RP1L1: variants seen among roughly 807,000 people sequenced by gnomAD.
The protein encoded by RP1L1 is RP1 like 1.
In RP1L1, 27 loss-of-function variants were observed where a neutral mutation model predicts 15.7. The ratio of observed to expected loss-of-function variants is 1.72; its 90% CI spans 1.27 to 2.38. The LOEUF (loss-of-function observed/expected upper bound fraction) is 2.38, where lower values mean the gene tolerates loss of function less well. Among genes scored for constraint, RP1L1 ranks in the 30% most tolerant of loss-of-function variants. RP1L1 has a pLI of 0.00. For missense variants in RP1L1, 4,798 were observed against 3,075.9 expected, an observed-to-expected ratio of 1.56 and a Z score of -13.24; for synonymous variants, 1,813 against 1,276.7, an observed-to-expected ratio of 1.42 and a Z score of -8.96.
Position 10,611,062 on chromosome 8 carries a change from C to G in RP1L1, c.3036G>C (p.Gln1012His), listed in dbSNP as rs759714394. The G allele has an allele frequency of 1.2e-6, 2 of 1,612,848 alleles. No homozygotes were observed. The highest frequency in any genetic ancestry group is 2.2e-5 in the East Asian group (1 of 44,884). The stretch of plus-strand genomic sequence containing the variant: ...CCTGGCCGGGGTCCCCTTCCAGGGA[C>G]TGCTGTCCCGCCTGAGCTGGCTCCC... The part of the protein sequence containing the change: ...GLGEPAQAGQ[Q>H]SLEGDPGQDP... The change falls in exon 4 of 4, where the codon CAG (glutamine) becomes CAC (histidine). Residue 1012 changes from glutamine to histidine, a missense_variant. Gln to His is a conservative substitution (Grantham distance 24, BLOSUM62 0). Coordinates refer to ENST00000382483, the MANE Select transcript of RP1L1 (RefSeq NM_178857.6).
chr8:10,613,140 T>A lies in RP1L1; in HGVS notation c.958A>T (p.Ser320Cys). Residue 320 changes from serine to cysteine, a missense_variant, in exon 4 of 4, where the codon AGC becomes TGC. Ser to Cys is a moderately radical substitution (Grantham distance 112). Coordinates refer to ENST00000382483, the MANE Select transcript of RP1L1 (RefSeq NM_178857.6). ...KKKVRMNEDG[S>C]LSVEMKVRFH... is the part of the protein sequence containing the mutation. Reference sequence around the variant, plus strand: ...CGGACTTTCATCTCCACGGACAGGCTGCCGTCCTCATTCATGCGGACCTTC... The same window carrying A: ...CGGACTTTCATCTCCACGGACAGGCAGCCGTCCTCATTCATGCGGACCTTC... 1 of 1,613,892 alleles carries A rather than the reference T, an allele frequency of 6.2e-7. No homozygotes were observed. The highest frequency in any genetic ancestry group is 8.5e-7 in the Non-Finnish European group (1 of 1,180,008).
chr8:10,638,674 C>G (rs890208514), intron 1 of RP1L1, among the ~76,000 whole-genome samples: 15 of 152,266 alleles, frequency 9.9e-5, no homozygotes, highest in African/African-American at 3.6e-4. Flanking sequence ...TTAAGTATAG[C>G]TCAGCTGATT....
intron 3 of RP1L1, among the ~76,000 whole-genome samples, chr8:10,613,612 A>C (rs1366764234): frequency 1.1e-4 from 15 of 142,470 alleles, no homozygotes; most frequent in Admixed American, 3.4e-4. Flanking sequence ...AAAAAAAAAA[A>C]AAAAAAAAAA....
chr8:10,622,661 A>T lies in RP1L1; in HGVS notation c.541T>A (p.Phe181Ile), dbSNP rs371879954. Residue 181 changes from phenylalanine (F) to isoleucine (I), a missense_variant, in exon 2 of 4, where the codon TTT becomes ATT. Phe to Ile is a conservative substitution (Grantham distance 21, BLOSUM62 0). Transcript: ENST00000382483. ...SHRNTRNLAAFLGKASDLLRF... is the reference protein window; with the variant it reads ...SHRNTRNLAAILGKASDLLRF... ...AGGAGATCTGAGGCTTTGCCGAGAA[A>T]GGCGGCCAGGTTCCTAGTATTCCTG... 3.5e-5 allele frequency: 57 copies of T among 1,614,060 alleles called. No homozygotes were observed. The highest frequency in any genetic ancestry group is 4.5e-5 in the Non-Finnish European group (53 of 1,180,042).
rs765247276 is a variant in RP1L1 at position 10,612,945 on chromosome 8, G to C, written c.1153C>G (p.Arg385Gly). 5 of 1,612,922 alleles carry C rather than the reference G, an allele frequency of 3.1e-6. No homozygotes were observed. In the Admixed American group the frequency reaches 6.7e-5, roughly 22 times the overall value. ...TCCCTGCATCCCACCCTGCAGGGCC[G>C]GGGTCCCCACACCCCAGGCTCTGAG... The part of the protein sequence containing the change: ...GFSEPGVWGP[R>G]PCRVGCREVF... Residue 385 changes from arginine (R) to glycine (G), a missense_variant, in exon 4 of 4, where the codon CGG becomes GGG. Physicochemically the swap from Arg to Gly is moderately radical, Grantham distance 125 (BLOSUM62 -2). Coordinates refer to ENST00000382483, the MANE Select transcript of RP1L1 (RefSeq NM_178857.6).
chr8:10,611,808 C>T lies in RP1L1; in HGVS notation c.2290G>A (p.Gly764Arg). 6.2e-7 allele frequency: 1 copy of T among 1,613,686 alleles called. No individual in the cohort carries two copies. Among genetic ancestry groups the T allele is most frequent in the South Asian group, 1.1e-5 (1 of 91,088 alleles). Residue 764 changes from glycine (G) to arginine (R), a missense_variant, in exon 4 of 4, where the codon GGG becomes AGG. By Grantham distance (125) the Gly-to-Arg change is moderately radical. Coordinates refer to ENST00000382483, the MANE Select transcript of RP1L1 (RefSeq NM_178857.6). Reference sequence around the variant, plus strand: ...GAGCATGTCCTGGACCCCGCGTCCCCTGCCCACCCGGCAGAGGGAGCGTTG... The same window carrying T: ...GAGCATGTCCTGGACCCCGCGTCCCTTGCCCACCCGGCAGAGGGAGCGTTG... The part of the protein sequence containing the change: ...PHNAPSAGWA[G>R]DAGSRTCSPA...
At chr8:10,653,731 G>A (rs1332603739) in intron 1 of RP1L1, among the ~76,000 whole-genome samples, 1 of 152,204 alleles carries the variant, frequency 6.6e-6, no homozygotes, top group Non-Finnish European at 1.5e-5. Flanking sequence ...CCTGTTAGAA[G>A]AGAGCAGCAG....
intron 1 of RP1L1, among the ~76,000 whole-genome samples, chr8:10,640,508 C>T (rs1798390696): frequency 6.6e-6 from 1 of 151,840 alleles, no homozygotes; most frequent in African/African-American, 2.4e-5. Flanking sequence ...CAAAAATTAG[C>T]CGGGCATGGT....
At chr8:10,616,744 C>G (rs1016704328) in intron 2 of RP1L1, among the ~76,000 whole-genome samples, 157 bp from the exon 3 acceptor site, 1 of 152,166 alleles carries the variant, frequency 6.6e-6, no homozygotes, top group African/African-American at 2.4e-5. Context: ...ATCCACTCCC[C>G]ATAACACCTC....
Position 10,606,551 on chromosome 8 carries a change from C to T in RP1L1, c.*344G>A. ...GAGAGCAACACTTGCTAGCAGAAAA[C>T]AAACCCACAAACAAAAGCTAAACTG... On this transcript the variant is annotated 3_prime_UTR_variant, in exon 4 of 4. Transcript: ENST00000382483. The T allele has an allele frequency of 3.3e-6, 1 of 304,934 alleles. No homozygotes were observed. The highest frequency in any genetic ancestry group is 4.8e-5 in the Admixed American group (1 of 20,640). 18.9% of individuals were successfully genotyped at this position (304,934 alleles called of 1,614,324 possible).
chr8:10,653,869 C>T (rs1353691404), intron 1 of RP1L1, among the ~76,000 whole-genome samples: 1 of 152,182 alleles, frequency 6.6e-6, no homozygotes, highest in African/African-American at 2.4e-5. Flanking sequence ...AGATGCATTT[C>T]TGGGCTGTGC....
chr8:10,624,631 G>A (rs973431488), intron 1 of RP1L1, among the ~76,000 whole-genome samples: 3 of 151,294 alleles, frequency 2.0e-5, no homozygotes, highest in Non-Finnish European at 4.4e-5. Flanking sequence ...AAGGTTGGAG[G>A]CTTTTTGCAA....
intron 1 of RP1L1, among the ~76,000 whole-genome samples, chr8:10,654,210 G>A (rs924715598): frequency 6.6e-6 from 1 of 152,140 alleles, no homozygotes; most frequent in African/African-American, 2.4e-5. Flanking sequence ...GCCGCTGGGG[G>A]GATGTCATTA....
intron 1 of RP1L1, among the ~76,000 whole-genome samples, chr8:10,650,840 T>C (rs1347194978): frequency 1.3e-5 from 2 of 152,212 alleles, no homozygotes; most frequent in African/African-American, 2.4e-5. Context: ...GTGCTGGGAT[T>C]ACAGGCATGA....
At chr8:10,630,624 C>G (rs1307808565) in intron 1 of RP1L1, among the ~76,000 whole-genome samples, 3 of 152,228 alleles carry the variant, frequency 2.0e-5, no homozygotes, top group Non-Finnish European at 4.4e-5. Flanking sequence ...CGGCAGGCAG[C>G]CTCCTGCCTG....
At position 10,608,552 on chromosome 8, in the gene RP1L1, T is replaced by G. The variant is rs780885964; in HGVS notation, c.5546A>C (p.Glu1849Ala). ...TTCTGCCTCTGGGGCCTCTACACCT[T>G]CTGACTCTGGCTGGGCCTCCCCTTC... The part of the protein sequence containing the change: ...EAEGEAQPES[E>A]GVEAPEAEGD... The change falls in exon 4 of 4, where the codon GAA becomes GCA. Residue 1849 changes from glutamate to alanine, a missense_variant. Physicochemically the swap from Glu to Ala is moderately radical, Grantham distance 107 (BLOSUM62 -1). Coordinates refer to ENST00000382483, the MANE Select transcript of RP1L1 (RefSeq NM_178857.6). 6.2e-7 allele frequency: 1 copy of G among 1,610,576 alleles called. No individual in the cohort carries two copies. Among genetic ancestry groups the G allele is most frequent in the Non-Finnish European group, 8.5e-7 (1 of 1,177,432 alleles).
intron 1 of RP1L1, among the ~76,000 whole-genome samples, chr8:10,652,642 A>G (rs1798579432): frequency 1.3e-5 from 2 of 151,574 alleles, no homozygotes; most frequent in African/African-American, 2.4e-5. Flanking sequence ...TGGCTACTTC[A>G]TTTTACAATT....
chr8:10,640,641 A>C (rs1458302917), intron 1 of RP1L1, among the ~76,000 whole-genome samples: 1 of 151,644 alleles, frequency 6.6e-6, no homozygotes, highest in African/African-American at 2.4e-5. Context: ...TGACAGAGTG[A>C]GACTCCATCT....
In RP1L1 at chr8:10,648,093, G is replaced by A. The variant is rs368886417; in HGVS notation, c.-20+6805C>T. 1.1e-4 allele frequency among the ~76,000 whole-genome samples: 17 copies of A among 151,532 alleles called. No individual in the cohort carries two copies. The East Asian group carries it at 1.6e-3, about 14-fold the overall frequency. Reference sequence around the variant, plus strand: ...GTTGTCCAGGCTGGAGTGCAGTGGCGCCATCTCGGCTCACTGCAACCTCCA... The same window carrying A: ...GTTGTCCAGGCTGGAGTGCAGTGGCACCATCTCGGCTCACTGCAACCTCCA... On this transcript the variant is annotated intron_variant, in intron 1 of 3. Coordinates refer to ENST00000382483, the MANE Select transcript of RP1L1 (RefSeq NM_178857.6).
Sources: gnomAD v4.1 joint callset for allele counts (sites outside exome capture counted in the v4.1 genomes callset) on GRCh38, gnomAD v4.1.1 for gene constraint, MANE v1.5 for transcripts, NCBI Gene and HGNC (gene_info 2026-07-23, HGNC 2026-07-21) for gene names.